SGIP1: variants seen among roughly 807,000 people sequenced by gnomAD.
SGIP1 encodes the protein SH3GL interacting endocytic adaptor 1.
A neutral mutation model predicts 107.5 loss-of-function variants in SGIP1; 38 were observed. The ratio of observed to expected loss-of-function variants is 0.35; its 90% CI spans 0.27 to 0.46. SGIP1 has a LOEUF of 0.46. Among genes scored for constraint, SGIP1 ranks in the 20% least tolerant of loss-of-function variants. The pLI is 1.00. For missense variants in SGIP1, 929 were observed against 1,019.5 expected (o/e 0.91, Z 1.21); for synonymous variants, 365 against 366.1 (o/e 1.00, Z 0.03).
At chr1:66,741,247 C>T in intron 23 of SGIP1, 25 bp from the exon 24 acceptor site, 3 of 1,545,728 alleles carry the variant, frequency 1.9e-6, no homozygotes, top group South Asian at 1.2e-5. Context: ...TGACTGTTAC[C>T]TTGTAATAAT....
At chr1:66,607,166 A>G (rs779038847) in intron 1 of SGIP1, among the ~76,000 whole-genome samples, 4 of 152,232 alleles carry the variant, frequency 2.6e-5, no homozygotes, top group Non-Finnish European at 5.9e-5. Context: ...CTGATGAAAC[A>G]TGCTTGAGTT....
intron 2 of SGIP1, 71 bp from the exon 3 acceptor site, chr1:66,632,999 C>T (rs1036771361): frequency 1.4e-4 from 137 of 963,306 alleles, no homozygotes; most frequent in Middle Eastern, 4.1e-4. Flanking sequence ...TTGGTTCTTA[C>T]TGTTGTACTT....
At chr1:66,582,691 C>T (rs777458746) in intron 1 of SGIP1, among the ~76,000 whole-genome samples, 2 of 151,824 alleles carry the variant, frequency 1.3e-5, no homozygotes, top group Non-Finnish European at 2.9e-5. Context: ...ATCTGAATTA[C>T]ACATGGCTTT....
intron 8 of SGIP1, 29 bp downstream of exon 8, chr1:66,660,553 G>A (rs925514345): frequency 1.3e-6 from 2 of 1,595,278 alleles, no homozygotes; most frequent in South Asian, 1.1e-5. Context: ...CCGCTTTTGG[G>A]GCAAACATTA....
rs189161188 is a variant in SGIP1, at chr1:66,550,869, A to G, written c.10+16501A>G. On this transcript the variant is annotated intron_variant, in intron 1 of 24. Coordinates refer to ENST00000371037, the MANE Select transcript of SGIP1 (RefSeq NM_032291.4). ...AGGTGGTATGACCATAGACTTGAAC[A>G]CTGATCTATCTGATTCTCAAACTAT... is the stretch of plus-strand genomic sequence containing the variant. Among the ~76,000 whole-genome samples, 55 of 152,244 alleles carry G rather than the reference A, an allele frequency of 3.6e-4. 1 individual carries two copies. The East Asian group carries it at 4.8e-3, about 13-fold the overall frequency.
At chr1:66,632,457 G>A (rs1477490455) in intron 2 of SGIP1, among the ~76,000 whole-genome samples, 2 of 152,104 alleles carry the variant, frequency 1.3e-5, no homozygotes, top group Non-Finnish European at 2.9e-5. Context: ...CATCTAGGAG[G>A]CAATTCAGGA....
intron 1 of SGIP1, among the ~76,000 whole-genome samples, chr1:66,584,125 T>G (rs2062204641): frequency 6.6e-6 from 1 of 152,104 alleles, no homozygotes; most frequent in South Asian, 2.1e-4. Flanking sequence ...AATTGTTGGT[T>G]TGGTGTCTAC....
intron 7 of SGIP1, among the ~76,000 whole-genome samples, chr1:66,657,378 G>A (rs1286232931): frequency 3.9e-5 from 6 of 152,124 alleles, no homozygotes. Context: ...AAGCAGAGAT[G>A]TAATCAGAGC....
intron 1 of SGIP1, among the ~76,000 whole-genome samples, chr1:66,555,189 C>A (rs1359734461): frequency 1.3e-5 from 2 of 152,024 alleles, no homozygotes. Context: ...CTCTACCCAA[C>A]TTCCCTCCTA....
intron 1 of SGIP1, among the ~76,000 whole-genome samples, chr1:66,589,561 C>T (rs913412516): frequency 6.6e-6 from 1 of 151,952 alleles, no homozygotes; most frequent in South Asian, 2.1e-4. Flanking sequence ...TTGTGCCTCC[C>T]CACCAACCAG....
intron 12 of SGIP1, among the ~76,000 whole-genome samples, chr1:66,675,516 G>A (rs1270999508): frequency 5.3e-5 from 6 of 114,042 alleles, no homozygotes; most frequent in Admixed American, 9.0e-5. Context: ...TTTCTTTTTC[G>A]TTGTTTTTCT....
At chr1:66,648,566 C>CT (rs1202268498) in intron 7 of SGIP1, among the ~76,000 whole-genome samples, 1 of 152,128 alleles carries the variant, frequency 6.6e-6, no homozygotes, top group Non-Finnish European at 1.5e-5. Context: ...TATTTTCATT[C>CT]TTTTTTTCCA....
chr1:66,730,805 C>G (rs976626531), intron 20 of SGIP1, among the ~76,000 whole-genome samples: 1 of 152,196 alleles, frequency 6.6e-6, no homozygotes, highest in Non-Finnish European at 1.5e-5. Context: ...ATCTCAGAAA[C>G]AGGCTGCATC....
chr1:66,637,941 C>T (rs1236209596), intron 4 of SGIP1, among the ~76,000 whole-genome samples: 4 of 151,074 alleles, frequency 2.6e-5, no homozygotes, highest in African/African-American at 4.9e-5. Context: ...GCCTTAGTTA[C>T]GAAGATGAGA....
chr1:66,580,320 A>C (rs554288986), intron 1 of SGIP1, among the ~76,000 whole-genome samples: 6 of 152,158 alleles, frequency 3.9e-5, no homozygotes, highest in Non-Finnish European at 7.4e-5. Context: ...CTGTACCTTT[A>C]AGTATTTTCT....
intron 1 of SGIP1, among the ~76,000 whole-genome samples, chr1:66,602,042 G>A (rs1322403430): frequency 1.3e-5 from 2 of 152,192 alleles, no homozygotes; most frequent in African/African-American, 4.8e-5. Flanking sequence ...AGACCAAGGA[G>A]CTGCTAACAT....
intron 17 of SGIP1, among the ~76,000 whole-genome samples, chr1:66,692,966 T>C (rs1571906381): frequency 6.6e-6 from 1 of 152,306 alleles, no homozygotes; most frequent in South Asian, 2.1e-4. Flanking sequence ...CTGCCTTTTA[T>C]TGAATTGAAG....
intron 1 of SGIP1, among the ~76,000 whole-genome samples, chr1:66,546,472 G>A (rs1319073897): frequency 6.6e-6 from 1 of 152,200 alleles, no homozygotes; most frequent in African/African-American, 2.4e-5. Context: ...CAGAACATGA[G>A]CTTTGGAGAC....
chr1:66,628,139 G>T (rs375470691), intron 2 of SGIP1, among the ~76,000 whole-genome samples: 1 of 151,998 alleles, frequency 6.6e-6, no homozygotes, highest in Non-Finnish European at 1.5e-5. Context: ...TCTTAATCCA[G>T]TCTATCATTG....
Sources: allele counts gnomAD v4.1 joint callset (sites outside exome capture counted in the v4.1 genomes callset), GRCh38; gene constraint gnomAD v4.1.1; transcripts MANE v1.5; gene names NCBI Gene and HGNC (gene_info 2026-07-23, HGNC 2026-07-21).